Variants in TPRG1 observed in about 807,000 individuals in gnomAD.
The protein encoded by TPRG1 is tumor protein p63 regulated 1.
Under a neutral mutation model 29.3 loss-of-function variants are expected in TPRG1, and 29 were observed. The observed-to-expected ratio is 0.99, with a 90% CI of 0.74 to 1.35. TPRG1 has a LOEUF of 1.35. Among genes scored for constraint, TPRG1 ranks in the 40% most tolerant of loss-of-function variants. The pLI is 0.00. For synonymous variants in TPRG1, 130 were observed against 116.8 expected (o/e 1.11, Z -0.73); for missense variants, 327 against 335.0 (o/e 0.98, Z 0.19).
intron 4 of TPRG1, among the ~76,000 whole-genome samples, chr3:189,073,147 G>C (rs765394288): frequency 4.6e-5 from 7 of 152,158 alleles, no homozygotes; most frequent in African/African-American, 7.2e-5. Flanking sequence ...TGAGTGCACT[G>C]TTTTAAGAGC....
chr3:189,085,393 G>A lies in TPRG1; in HGVS notation c.-462-41664G>A, dbSNP rs116667602. Among the ~76,000 whole-genome samples, 1,124 of 152,120 alleles carry A rather than the reference G, an allele frequency of 7.4e-3. 10 individuals are homozygous for A. The highest frequency in any genetic ancestry group is 0.023 in the African/African-American group (956 of 41,510). On this transcript the variant is annotated intron_variant, in intron 4 of 10. Transcript: ENST00000433971. The stretch of plus-strand genomic sequence containing the variant: ...AAAACAAAAGGGAAAGATGGCTGGC[G>A]GTGGATACACATTTTCATTAATGTT...
At chr3:189,163,606 G>A (rs1395909191) in intron 5 of TPRG1, among the ~76,000 whole-genome samples, 3 of 152,040 alleles carry the variant, frequency 2.0e-5, no homozygotes, top group Non-Finnish European at 4.4e-5. Flanking sequence ...GACTTTTACG[G>A]GGCAACAAGT....
chr3:189,162,761 G>A (rs1277933415), intron 5 of TPRG1, among the ~76,000 whole-genome samples: 3 of 152,234 alleles, frequency 2.0e-5, no homozygotes, highest in South Asian at 2.1e-4. Context: ...TAAGATACAC[G>A]TGGGGAAATT....
chr3:189,156,411 C>G (rs566089370), intron 5 of TPRG1, among the ~76,000 whole-genome samples: 1 of 150,966 alleles, frequency 6.6e-6, no homozygotes, highest in African/African-American at 2.4e-5. Flanking sequence ...TGATTTGTTA[C>G]AGCAGCGAAA....
chr3:189,033,257 C>A (rs1714040041), intron 4 of TPRG1, among the ~76,000 whole-genome samples: 1 of 151,492 alleles, frequency 6.6e-6, no homozygotes, highest in South Asian at 2.1e-4. Context: ...TTGAGAACAG[C>A]TACGCAGAGT....
In TPRG1 at chr3:189,078,068, C is replaced by A. The variant is rs1717314626; in HGVS notation, c.-462-48989C>A. Among the ~76,000 whole-genome samples, 5 of 124,148 alleles carry A rather than the reference C, an allele frequency of 4.0e-5. No individual in the cohort carries two copies. In the South Asian group the frequency reaches 9.0e-4, roughly 22 times the overall value. The allele number at this position is 124,148 out of a possible 152,430, so 81.4% of individuals were successfully genotyped here. ...CCTTCCTTCCTTCCTTCCTTTCTCT[C>A]CTTTCTCTCTTTCTCTCTTTCTCTC... On this transcript the variant is annotated intron_variant, in intron 4 of 10. Coordinates refer to the TPRG1 transcript ENST00000433971.
chr3:189,006,434 C>A (rs962859128), intron 3 of TPRG1, among the ~76,000 whole-genome samples: 1 of 152,148 alleles, frequency 6.6e-6, no homozygotes, highest in Admixed American at 6.6e-5. Flanking sequence ...GAGGGAGAGA[C>A]ACCCCTGTTG....
chr3:189,277,314 A>G (rs1716332552), intron 4 of TPRG1, among the ~76,000 whole-genome samples: 1 of 152,198 alleles, frequency 6.6e-6, no homozygotes, highest in Admixed American at 6.5e-5. Flanking sequence ...ATACGCACAC[A>G]ACACCTCATA....
chr3:189,015,741 GC>G (rs1257545236), intron 3 of TPRG1, among the ~76,000 whole-genome samples: 1 of 152,174 alleles, frequency 6.6e-6, no homozygotes, highest in African/African-American at 2.4e-5. Context: ...GAGGGTGCAA[GC>G]CCCCCAGACC....
rs769459062 is a variant in TPRG1 at position 189,238,909 on chromosome 3, A to G, written c.479A>G (p.Lys160Arg). The change falls in exon 4 of 6, where the codon AAG becomes AGG. Residue 160 changes from lysine to arginine, a missense_variant and splice_region_variant. Transcript: ENST00000345063. ...KFTFPGMSLD[K>R]RQGEGLRIYW... ...ACCTTCCCTGGGATGTCCCTGGACAAGTGAGTATATATCTTATACTTGAAG... is the reference window on the plus strand; with the variant it reads ...ACCTTCCCTGGGATGTCCCTGGACAGGTGAGTATATATCTTATACTTGAAG... The G allele has an allele frequency of 7.5e-6, 12 of 1,610,330 alleles. No individual in the cohort carries two copies. The South Asian group carries it at 9.9e-5, about 13-fold the overall frequency.
intron 5 of TPRG1, among the ~76,000 whole-genome samples, chr3:189,319,695 G>C (rs1448578194): frequency 2.0e-5 from 3 of 152,042 alleles, no homozygotes; most frequent in Non-Finnish European, 4.4e-5. Flanking sequence ...CCACACAGTA[G>C]CTAGGATTAT....
At chr3:189,206,482 G>A (rs74555765) in intron 1 of TPRG1, among the ~76,000 whole-genome samples, 10,327 of 149,638 alleles carry the variant, frequency 0.069, 480 homozygotes, top group Middle Eastern at 0.13. Context: ...TATTAGATGC[G>A]GTGTTGTGAT....
intron 1 of TPRG1, among the ~76,000 whole-genome samples, chr3:189,202,593 T>A (rs1733676648): frequency 6.6e-6 from 1 of 152,192 alleles, no homozygotes; most frequent in South Asian, 2.1e-4. Flanking sequence ...GAGAACAATT[T>A]AAAACTTTTA....
chr3:189,215,145 G>T, intron 2 of TPRG1, 147 bp from the exon 3 acceptor site: 1 of 542,698 alleles, frequency 1.8e-6, no homozygotes. Context: ...TAAGTTTTCT[G>T]GAAGGCAGTT....
intron 4 of TPRG1, among the ~76,000 whole-genome samples, chr3:189,253,237 T>A (rs1467184832): frequency 2.0e-5 from 3 of 152,126 alleles, no homozygotes; most frequent in African/African-American, 7.2e-5. Context: ...GATGTTCCCC[T>A]CCCTGTTCCC....
At chr3:189,305,776 C>G (rs73889185) in intron 4 of TPRG1, among the ~76,000 whole-genome samples, 41 of 152,290 alleles carry the variant, frequency 2.7e-4, no homozygotes, top group African/African-American at 9.4e-4. Flanking sequence ...CCTTCCAACT[C>G]AGATAGTTTA....
intron 4 of TPRG1, among the ~76,000 whole-genome samples, chr3:189,031,048 T>C (rs1253440743): frequency 1.3e-5 from 2 of 152,162 alleles, no homozygotes; most frequent in African/African-American, 4.8e-5. Context: ...GGCGGGTGGA[T>C]TGCTTGAGGT....
At chr3:189,030,940 T>C (rs1713898464) in intron 4 of TPRG1, among the ~76,000 whole-genome samples, 2 of 152,232 alleles carry the variant, frequency 1.3e-5, no homozygotes, top group Non-Finnish European at 1.5e-5. Flanking sequence ...CTTCAGTGTC[T>C]GTGCCCTATT....
At chr3:189,032,255 G>T (rs1489899170) in intron 4 of TPRG1, among the ~76,000 whole-genome samples, 3 of 152,198 alleles carry the variant, frequency 2.0e-5, no homozygotes, top group Non-Finnish European at 4.4e-5. Flanking sequence ...GTAATGCAAG[G>T]AAGAGGCCGT....
Sources: allele counts gnomAD v4.1 joint callset (sites outside exome capture counted in the v4.1 genomes callset), GRCh38; gene constraint gnomAD v4.1.1; transcripts MANE v1.5; gene names NCBI Gene and HGNC (gene_info 2026-07-23, HGNC 2026-07-21).